Variants in HPSE2 observed in about 807,000 individuals in gnomAD.
HPSE2 encodes the protein inactive heparanase-2.
Under a neutral mutation model 60.5 loss-of-function variants are expected in HPSE2, and 38 were observed. The ratio of observed to expected loss-of-function variants is 0.63; its 90% CI spans 0.48 to 0.82. The LOEUF (loss-of-function observed/expected upper bound fraction) is 0.82, where lower values mean the gene tolerates loss of function less well. Among genes scored for constraint, HPSE2 ranks in the 40% least tolerant of loss-of-function variants. The probability of loss-of-function intolerance (pLI) is 0.00; values close to 1 mark genes in which losing one functional copy is unlikely to be tolerated. For synonymous variants in HPSE2, 295 were observed against 293.2 expected (o/e 1.01, Z -0.06); for missense variants, 713 against 740.4 (o/e 0.96, Z 0.43).
intron 9 of HPSE2, among the ~76,000 whole-genome samples, chr10:98,586,338 C>A (rs1944940323): frequency 6.6e-6 from 1 of 152,140 alleles, no homozygotes; most frequent in Non-Finnish European, 1.5e-5. Context: ...GTTCCACCAT[C>A]CCTGTTTATC....
chr10:99,275,634 G>C, the HPSE2 span, among the ~76,000 whole-genome samples: 1 of 151,978 alleles, frequency 6.6e-6, no homozygotes, highest in Admixed American at 6.6e-5. Context: ...CCCATTTTAC[G>C]GCATTCTTCT....
intron 2 of HPSE2, among the ~76,000 whole-genome samples, chr10:99,154,724 A>C (rs1846454332): frequency 6.6e-6 from 1 of 151,144 alleles, no homozygotes; most frequent in Non-Finnish European, 1.5e-5. Flanking sequence ...CTAACATCAT[A>C]ATGACAGGAT....
intron 3 of HPSE2, among the ~76,000 whole-genome samples, chr10:98,831,713 A>C (rs551464238): frequency 5.6e-4 from 86 of 152,310 alleles, no homozygotes; most frequent in Non-Finnish European, 1.2e-4. Context: ...CCACAGGTCT[A>C]ATAATTGTGA....
intron 6 of HPSE2, among the ~76,000 whole-genome samples, chr10:98,679,266 T>C (rs1431987642): frequency 1.3e-5 from 2 of 152,186 alleles, no homozygotes; most frequent in African/African-American, 2.4e-5. Flanking sequence ...CAGGGAATGG[T>C]CCAGGGACTT....
At chr10:98,775,417 T>C (rs1197326150) in intron 3 of HPSE2, among the ~76,000 whole-genome samples, 2 of 152,160 alleles carry the variant, frequency 1.3e-5, no homozygotes, top group East Asian at 1.9e-4. Context: ...GGATGAAACA[T>C]AGATCACTAT....
At chr10:98,800,188 C>T (rs966277878) in intron 3 of HPSE2, among the ~76,000 whole-genome samples, 2 of 151,466 alleles carry the variant, frequency 1.3e-5, no homozygotes, top group African/African-American at 4.8e-5. Flanking sequence ...GGCAAAATGG[C>T]GAGACTTCAT....
chr10:98,624,503 T>C (rs534398968), intron 7 of HPSE2, among the ~76,000 whole-genome samples: 5 of 152,232 alleles, frequency 3.3e-5, no homozygotes, highest in Admixed American at 6.5e-5. Flanking sequence ...AGTATTTTTA[T>C]TCTGAGTGTG....
chr10:98,742,974 C>CTTTA (rs758257838), intron 4 of HPSE2, among the ~76,000 whole-genome samples: 1 of 99,782 alleles, frequency 1.0e-5, no homozygotes, highest in East Asian at 2.6e-4. Flanking sequence ...CTTTTCTTTT[C>CTTTA]TTTTTTTTTT....
intron 9 of HPSE2, among the ~76,000 whole-genome samples, chr10:98,588,968 T>C (rs937347315): frequency 6.6e-6 from 1 of 152,088 alleles, no homozygotes; most frequent in Non-Finnish European, 1.5e-5. Flanking sequence ...TGATTTTTGT[T>C]GTTGTAGTTA....
At chr10:98,853,604 A>C (rs1175782394) in intron 3 of HPSE2, among the ~76,000 whole-genome samples, 1 of 152,174 alleles carries the variant, frequency 6.6e-6, no homozygotes, top group African/African-American at 2.4e-5. Context: ...TTAGAATAAA[A>C]TGGCCAAGAA....
At chr10:99,315,950 G>A in the HPSE2 span, among the ~76,000 whole-genome samples, 4 of 152,162 alleles carry the variant, frequency 2.6e-5, no homozygotes, top group Non-Finnish European at 4.4e-5. Flanking sequence ...GCCGCCACCT[G>A]CTGCTCTCGG....
intron 3 of HPSE2, among the ~76,000 whole-genome samples, chr10:98,755,904 G>C (rs1949867901): frequency 6.6e-6 from 1 of 152,170 alleles, no homozygotes; most frequent in Admixed American, 6.5e-5. Context: ...GCTGAGGTGA[G>C]AGAACTGCTT....
intron 3 of HPSE2, among the ~76,000 whole-genome samples, chr10:99,012,606 T>C (rs1039629151): frequency 1.3e-5 from 2 of 152,176 alleles, no homozygotes; most frequent in African/African-American, 4.8e-5. Context: ...AGAACTTAAA[T>C]CAAAGCCATT....
chr10:99,000,477 C>A (rs1035283870), intron 3 of HPSE2, among the ~76,000 whole-genome samples: 2 of 151,992 alleles, frequency 1.3e-5, no homozygotes, highest in Non-Finnish European at 2.9e-5. Context: ...CATAGAGTGA[C>A]AAGAGATAAT....
At chr10:98,852,169 A>G (rs10883219) in intron 3 of HPSE2, among the ~76,000 whole-genome samples, 48,767 of 91,180 alleles carry the variant, frequency 0.53, 10,956 homozygotes, top group Non-Finnish European at 0.62. Flanking sequence ...GTGTGTGTAT[A>G]TATGTTTGGT....
Position 98,918,593 on chromosome 10 carries a change from A to G in HPSE2, c.611-174537T>C, listed in dbSNP as rs368918452. 1.4e-3 allele frequency among the ~76,000 whole-genome samples: 198 copies of G among 146,164 alleles called. 1 individual carries two copies. The highest frequency in any genetic ancestry group is 2.1e-3 in the Non-Finnish European group (139 of 66,784). ...CTATCGCAAGGACAAAAAACCAAAC[A>G]CCGCATGTTCTCACTCATAGATGGG... is the stretch of plus-strand genomic sequence containing the variant. On this transcript the variant is annotated intron_variant, in intron 3 of 11. Coordinates refer to ENST00000370552, the MANE Select transcript of HPSE2 (RefSeq NM_021828.5).
At chr10:99,090,954 C>T (rs1304822781) in intron 3 of HPSE2, among the ~76,000 whole-genome samples, 1 of 152,038 alleles carries the variant, frequency 6.6e-6, no homozygotes, top group Non-Finnish European at 1.5e-5. Context: ...CCTCAAAATC[C>T]ACTGCAGCCA....
chr10:99,146,305 T>A (rs1846049964), intron 2 of HPSE2, among the ~76,000 whole-genome samples: 3 of 152,202 alleles, frequency 2.0e-5, no homozygotes, highest in Admixed American at 2.0e-4. Context: ...CTTGGCTTCA[T>A]CTATTATAGA....
At chr10:99,141,129 T>C (rs193126167) in intron 3 of HPSE2, among the ~76,000 whole-genome samples, 25 of 152,340 alleles carry the variant, frequency 1.6e-4, no homozygotes, top group Non-Finnish European at 1.9e-4. Flanking sequence ...TTAAGAATCA[T>C]GAGAGCACAA....
Sources: gnomAD v4.1 joint callset for allele counts (sites outside exome capture counted in the v4.1 genomes callset) on GRCh38, gnomAD v4.1.1 for gene constraint, MANE v1.5 for transcripts, NCBI Gene and HGNC (gene_info 2026-07-23, HGNC 2026-07-21) for gene names.